The following ANO3 variants were observed in gnomAD, a reference collection of about 807,000 sequenced individuals.
The protein encoded by ANO3 is anoctamin 3, also known as anoctamin-3.
ANO3 carries 99 observed loss-of-function variants against 144.8 expected under a neutral mutation model. The ratio of observed to expected loss-of-function variants is 0.68; its 90% CI spans 0.58 to 0.81. The LOEUF is 0.81. ANO3 is among the 30% of genes least tolerant of loss of function. The pLI is 0.00. For missense variants in ANO3, 905 were observed against 1,202.2 expected (o/e 0.75, Z 3.66); for synonymous variants, 414 against 392.6 (o/e 1.05, Z -0.64).
At chr11:26,589,265 T>C (rs1397788661) in intron 14 of ANO3, among the ~76,000 whole-genome samples, 3 of 152,194 alleles carry the variant, frequency 2.0e-5, no homozygotes, top group African/African-American at 7.2e-5. Context: ...TGACAATGAA[T>C]TTAAAACATA....
chr11:26,222,400 C>G (rs1162990992), intron 1 of ANO3, among the ~76,000 whole-genome samples: 1 of 152,206 alleles, frequency 6.6e-6, no homozygotes, highest in Non-Finnish European at 1.5e-5. Context: ...AGTTGCGTGC[C>G]TGCAGCTTTT....
chr11:26,658,677 T>C (rs576558459), intron 26 of ANO3, among the ~76,000 whole-genome samples: 1 of 152,284 alleles, frequency 6.6e-6, no homozygotes, highest in African/African-American at 2.4e-5. Context: ...AATTTAATTA[T>C]AGCAAATGTT....
chr11:26,449,087 G>T (rs1020028712), intron 3 of ANO3, among the ~76,000 whole-genome samples: 1 of 152,030 alleles, frequency 6.6e-6, no homozygotes, highest in Admixed American at 6.6e-5. Context: ...ACAGAATCTG[G>T]GTCTGGTCTC....
chr11:26,397,672 C>T (rs1857050311), intron 1 of ANO3, among the ~76,000 whole-genome samples: 1 of 152,038 alleles, frequency 6.6e-6, no homozygotes, highest in African/African-American at 2.4e-5. Flanking sequence ...TTCATCTTCT[C>T]AAACGTTTAT....
At chr11:26,412,795 A>AGTGTGTGTGTGTGTGTGTGTGT (rs60855252) in intron 1 of ANO3, among the ~76,000 whole-genome samples, 33 of 140,218 alleles carry the variant, frequency 2.4e-4, no homozygotes, top group Middle Eastern at 3.7e-3. Flanking sequence ...GAGAAAGGAA[A>AGTGTGTGTGTGTGTGTGTGTGT]GTGTGTGTGT....
At chr11:26,629,897 C>G (rs1852721471) in intron 18 of ANO3, among the ~76,000 whole-genome samples, 1 of 152,166 alleles carries the variant, frequency 6.6e-6, no homozygotes, top group African/African-American at 2.4e-5. Flanking sequence ...TCTCAAAGTG[C>G]TAGTACTACA....
intron 1 of ANO3, among the ~76,000 whole-genome samples, chr11:26,313,752 A>T (rs959367801): frequency 9.9e-5 from 15 of 151,930 alleles, no homozygotes; most frequent in Non-Finnish European, 2.1e-4. Context: ...AATGTAGATT[A>T]TGTGTAAGTA....
chr11:26,516,237 A>T (rs1284782256), intron 5 of ANO3, among the ~76,000 whole-genome samples: 1 of 151,714 alleles, frequency 6.6e-6, no homozygotes, highest in East Asian at 1.9e-4. Context: ...AGTCAAAGAC[A>T]CTTTAGTTCT....
At chr11:26,231,916 T>C (rs1043709432) in intron 1 of ANO3, among the ~76,000 whole-genome samples, 5 of 152,218 alleles carry the variant, frequency 3.3e-5, no homozygotes, top group Admixed American at 6.5e-5. Context: ...ACAGAGCTTA[T>C]AAATCATGCA....
At chr11:26,300,567 A>G (rs551950763) in intron 1 of ANO3, among the ~76,000 whole-genome samples, 2 of 152,270 alleles carry the variant, frequency 1.3e-5, no homozygotes, top group African/African-American at 4.8e-5. Context: ...CTCATTATAG[A>G]TGGGGAGACT....
At chr11:26,518,554 T>G (rs1458978452) in intron 6 of ANO3, among the ~76,000 whole-genome samples, 1 of 148,590 alleles carries the variant, frequency 6.7e-6, no homozygotes, top group Non-Finnish European at 1.5e-5. Context: ...CTTACAACTT[T>G]TCAGACTCCA....
chr11:26,373,736 G>C (rs779081969), intron 1 of ANO3, among the ~76,000 whole-genome samples: 1 of 152,004 alleles, frequency 6.6e-6, no homozygotes, highest in Non-Finnish European at 1.5e-5. Context: ...ACACAAACAC[G>C]TTGGCATGCA....
chr11:26,601,361 T>A (rs1851794839), intron 17 of ANO3, among the ~76,000 whole-genome samples: 1 of 152,176 alleles, frequency 6.6e-6, no homozygotes, highest in South Asian at 2.1e-4. Flanking sequence ...AAGTGAACAG[T>A]CACAGTTATA....
At chr11:26,363,528 C>G (rs572306572) in intron 1 of ANO3, among the ~76,000 whole-genome samples, 1 of 152,010 alleles carries the variant, frequency 6.6e-6, no homozygotes, top group Non-Finnish European at 1.5e-5. Flanking sequence ...ATCAGGACAC[C>G]AGTCATGCTG....
At chr11:26,623,316 C>G (rs1013570604) in intron 17 of ANO3, among the ~76,000 whole-genome samples, 1 of 152,120 alleles carries the variant, frequency 6.6e-6, no homozygotes, top group East Asian at 1.9e-4. Context: ...TTTAATTTTT[C>G]GTGCCAACAG....
At chr11:26,388,696 A>T (rs1856797750) in intron 1 of ANO3, among the ~76,000 whole-genome samples, 2 of 152,302 alleles carry the variant, frequency 1.3e-5, no homozygotes, top group South Asian at 4.1e-4. Flanking sequence ...TGATCCCATC[A>T]TGACTGATTT....
intron 1 of ANO3, among the ~76,000 whole-genome samples, chr11:26,259,122 A>C (rs1853124224): frequency 6.6e-6 from 1 of 152,198 alleles, no homozygotes; most frequent in African/African-American, 2.4e-5. Context: ...ACTTGGTTCT[A>C]AGAAAATAAA....
intron 1 of ANO3, among the ~76,000 whole-genome samples, chr11:26,250,654 G>C (rs1013704347): frequency 6.6e-6 from 1 of 152,106 alleles, no homozygotes; most frequent in Non-Finnish European, 1.5e-5. Context: ...TTCTCATTTT[G>C]TCACTAGCTA....
chr11:26,249,356 A>G (rs1426251280), intron 1 of ANO3, among the ~76,000 whole-genome samples: 5 of 152,218 alleles, frequency 3.3e-5, no homozygotes, highest in South Asian at 2.1e-4. Flanking sequence ...CTACGAAGCT[A>G]ACATAGGAGA....
Sources: gnomAD v4.1 joint callset for allele counts (sites outside exome capture counted in the v4.1 genomes callset) on GRCh38, gnomAD v4.1.1 for gene constraint, MANE v1.5 for transcripts, NCBI Gene and HGNC (gene_info 2026-07-23, HGNC 2026-07-21) for gene names.